BNC2: variants seen among roughly 807,000 people sequenced by gnomAD.
BNC2 encodes zinc finger protein basonuclin-2.
Under a neutral mutation model 76.3 loss-of-function variants are expected in BNC2, and 20 were observed. That is an observed-to-expected ratio of 0.26 (90% CI 0.18 to 0.38). The LOEUF is 0.38. Ranked by LOEUF, BNC2 falls within the 10% of genes least tolerant of loss-of-function variation. The pLI is 1.00. For missense variants in BNC2, 1,382 were observed against 1,399.8 expected (o/e 0.99, Z 0.20); for synonymous variants, 582 against 514.8 (o/e 1.13, Z -1.77).
rs1158118861 is a variant in BNC2, at chr9:16,419,322, A to G, written c.2967T>C (p.Leu989=). Reference sequence around the variant, plus strand: ...CACTCGCCCCGTCAATGTCATCGAGAAGAATCCCCTCATCGCTGCCTGCGT... The same window carrying G: ...CACTCGCCCCGTCAATGTCATCGAGGAGAATCCCCTCATCGCTGCCTGCGT... ...ESDAGSDEGI[L]LDDIDGASDS... is the part of the protein sequence containing the mutation. The change falls in exon 7 of 7, where the codon CTT becomes CTC. Residue 989 remains leucine, a synonymous_variant. Coordinates refer to ENST00000380672, the MANE Select transcript of BNC2 (RefSeq NM_017637.6). 1 of 1,613,234 alleles carries G rather than the reference A, an allele frequency of 6.2e-7. No individual in the cohort carries two copies. The highest frequency in any genetic ancestry group is 1.1e-5 in the South Asian group (1 of 91,076).
At chr9:16,435,033 C>T (rs774984697) in intron 6 of BNC2, 5 of 471,364 alleles carry the variant, frequency 1.1e-5, no homozygotes, top group African/African-American at 8.0e-5. Flanking sequence ...ACTGGTTATA[C>T]CTACGGAGAT....
At chr9:16,710,928 G>T (rs1017155516) in intron 3 of BNC2, among the ~76,000 whole-genome samples, 1 of 152,158 alleles carries the variant, frequency 6.6e-6, no homozygotes, top group African/African-American at 2.4e-5. Context: ...ATTCAATATG[G>T]TCAAGTCCTT....
chr9:16,668,462 C>T (rs968015215), intron 3 of BNC2, among the ~76,000 whole-genome samples: 5 of 152,208 alleles, frequency 3.3e-5, no homozygotes, highest in African/African-American at 9.6e-5. Context: ...GTATACCATA[C>T]ATGAGTGAAT....
rs150056052 is a variant in BNC2, at chr9:16,477,744, C to A, written c.670-40220G>T. ...TATCAAAAATTTGATATCTCTATTT[C>A]TTTGTATCATGATCCTGAATCAAGA... On this transcript the variant is annotated intron_variant, in intron 5 of 6. Coordinates refer to ENST00000380672, the MANE Select transcript of BNC2 (RefSeq NM_017637.6). 2.8e-4 allele frequency among the ~76,000 whole-genome samples: 43 copies of A among 152,092 alleles called. No homozygotes were observed. The East Asian group carries it at 4.8e-3, about 17-fold the overall frequency.
At chr9:16,622,041 G>A (rs954093578) in intron 3 of BNC2, among the ~76,000 whole-genome samples, 4 of 152,000 alleles carry the variant, frequency 2.6e-5, no homozygotes, top group Non-Finnish European at 5.9e-5. Flanking sequence ...TAGGATTCTT[G>A]TCCATTTCAA....
chr9:16,832,174 T>G, intron 1 of BNC2: 1 of 699,976 alleles, frequency 1.4e-6, no homozygotes, highest in Non-Finnish European at 2.1e-6. Flanking sequence ...GTTTCATTCA[T>G]GCGCCCTTAT....
rs115107128 is a variant in BNC2 at position 16,720,975 on chromosome 9, G to A, written c.330+6822C>T. 1.5e-3 allele frequency among the ~76,000 whole-genome samples: 229 copies of A among 152,284 alleles called. 1 individual carries two copies. Among genetic ancestry groups the A allele is most frequent in the African/African-American group, 5.1e-3 (211 of 41,576 alleles). ...TTTGAATGTACACTGTGAAATCTGCGAGGCTTCCTACAGGGAACGCACAAA... is the reference window on the plus strand; with the variant it reads ...TTTGAATGTACACTGTGAAATCTGCAAGGCTTCCTACAGGGAACGCACAAA... On this transcript the variant is annotated intron_variant, in intron 3 of 6. Coordinates refer to ENST00000380672, the MANE Select transcript of BNC2 (RefSeq NM_017637.6).
intron 5 of BNC2, among the ~76,000 whole-genome samples, chr9:16,502,951 C>G: frequency 6.6e-6 from 1 of 151,936 alleles, no homozygotes; most frequent in Non-Finnish European, 1.5e-5. Context: ...TCTAATCTAC[C>G]CTAGATTTAT....
intron 1 of BNC2, among the ~76,000 whole-genome samples, chr9:16,863,406 T>C (rs1055971553): frequency 3.3e-5 from 5 of 151,954 alleles, no homozygotes; most frequent in African/African-American, 1.2e-4. Context: ...TAGAGGTGGC[T>C]GGGCACAGTG....
chr9:16,580,624 A>G (rs994641591), intron 4 of BNC2, among the ~76,000 whole-genome samples: 25 of 152,322 alleles, frequency 1.6e-4, no homozygotes, highest in South Asian at 1.5e-3. Context: ...TAATATGCAC[A>G]TGGACATTAA....
intron 6 of BNC2, chr9:16,434,839 C>T (rs953011807): frequency 4.8e-5 from 22 of 456,760 alleles, no homozygotes; most frequent in African/African-American, 3.6e-4. Flanking sequence ...GTGCATAATC[C>T]GCATGGTAGA....
At chr9:16,781,767 A>T (rs1826160770) in intron 1 of BNC2, among the ~76,000 whole-genome samples, 2 of 152,226 alleles carry the variant, frequency 1.3e-5, no homozygotes, top group Admixed American at 1.3e-4. Flanking sequence ...ATAGTTGATG[A>T]TAGAATATTA....
chr9:16,655,177 T>TG lies in BNC2; in HGVS notation c.331-72093dup, dbSNP rs577663852. ...AAATTCAAGTAAAGGAGGAAAAAAC[T>TG]GGGGGAGGGAAAATCATTACGATAC... On this transcript the variant is annotated intron_variant, in intron 3 of 6. Coordinates refer to ENST00000380672, the MANE Select transcript of BNC2 (RefSeq NM_017637.6). Among the ~76,000 whole-genome samples, 436 of 151,190 alleles carry TG rather than the reference T, an allele frequency of 2.9e-3. 1 individual carries two copies. The highest frequency in any genetic ancestry group is 4.2e-3 in the Admixed American group (64 of 15,078).
chr9:16,847,305 T>C (rs967256412), intron 1 of BNC2, among the ~76,000 whole-genome samples: 1 of 151,474 alleles, frequency 6.6e-6, no homozygotes, highest in South Asian at 2.1e-4. Context: ...GCGTTTATTT[T>C]TTTTATTTAT....
intron 3 of BNC2, among the ~76,000 whole-genome samples, chr9:16,690,880 A>C (rs1309323795): frequency 6.6e-6 from 1 of 152,170 alleles, no homozygotes; most frequent in Non-Finnish European, 1.5e-5. Context: ...TGGAGCAGGC[A>C]CAATGTCCTC....
chr9:16,426,799 G>A (rs1283108910), intron 6 of BNC2, among the ~76,000 whole-genome samples: 2 of 152,180 alleles, frequency 1.3e-5, no homozygotes, highest in Non-Finnish European at 2.9e-5. Context: ...CACAGGCAGA[G>A]TCTGAAATGC....
At chr9:16,574,841 T>A (rs1819437060) in intron 4 of BNC2, among the ~76,000 whole-genome samples, 1 of 152,216 alleles carries the variant, frequency 6.6e-6, no homozygotes, top group African/African-American at 2.4e-5. Flanking sequence ...TTAGATGCAT[T>A]GCTATTATTA....
At chr9:16,742,736 T>C (rs540751814) in intron 1 of BNC2, among the ~76,000 whole-genome samples, 1 of 152,240 alleles carries the variant, frequency 6.6e-6, no homozygotes, top group African/African-American at 2.4e-5. Flanking sequence ...TATAAACAGG[T>C]CTCCCTACAG....
At chr9:16,814,623 CAG>C (rs1818136981) in intron 1 of BNC2, among the ~76,000 whole-genome samples, 1 of 152,160 alleles carries the variant, frequency 6.6e-6, no homozygotes, top group Admixed American at 6.5e-5. Context: ...TATGGGTAAA[CAG>C]ATGACCACCA....
Sources: allele counts gnomAD v4.1 joint callset (sites outside exome capture counted in the v4.1 genomes callset), GRCh38; gene constraint gnomAD v4.1.1; transcripts MANE v1.5; gene names NCBI Gene and HGNC (gene_info 2026-07-23, HGNC 2026-07-21).